DOCK1: variants seen among roughly 807,000 people sequenced by gnomAD.
DOCK1 encodes the protein dedicator of cytokinesis protein 1.
In DOCK1, 138 loss-of-function variants were observed where a neutral mutation model predicts 262.7. The observed-to-expected ratio is 0.53, with a 90% CI of 0.46 to 0.61. The LOEUF (loss-of-function observed/expected upper bound fraction) is 0.61. Ranked by LOEUF, DOCK1 falls within the 20% of genes least tolerant of loss-of-function variation. The pLI is 0.00. For missense variants in DOCK1, 1,908 were observed against 2,370.7 expected (o/e 0.80, Z 4.05); for synonymous variants, 866 against 867.4 (o/e 1.00, Z 0.03).
chr10:127,024,611 A>G (rs1347798371), intron 14 of DOCK1, 74 bp from the exon 15 acceptor site: 3 of 1,255,970 alleles, frequency 2.4e-6, no homozygotes, highest in Non-Finnish European at 3.4e-6. Flanking sequence ...GTCCCCCCAC[A>G]TATATAGTGG....
rs552509477 is a variant in DOCK1, at chr10:127,328,277, G to A, written c.3045-10729G>A. On this transcript the variant is annotated intron_variant, in intron 29 of 51. Coordinates refer to ENST00000623213, the MANE Select transcript of DOCK1 (RefSeq NM_001290223.2). ...TAAGCATCACTGGTGTATGCTGAGC[G>A]TGAAATACCTTGAAAGCAGCATTCT... Among the ~76,000 whole-genome samples, 27 of 152,260 alleles carry A rather than the reference G, an allele frequency of 1.8e-4. No homozygotes were observed. The South Asian group carries it at 4.1e-3, about 23-fold the overall frequency.
intron 1 of DOCK1, among the ~76,000 whole-genome samples, chr10:126,953,720 G>A (rs1264422598): frequency 6.6e-6 from 1 of 152,030 alleles, no homozygotes; most frequent in Non-Finnish European, 1.5e-5. Context: ...CTGTGTTGGT[G>A]GGGGAAGCCT....
chr10:127,035,086 C>G (rs563060831), intron 18 of DOCK1, among the ~76,000 whole-genome samples: 1 of 152,332 alleles, frequency 6.6e-6, no homozygotes, highest in Non-Finnish European at 1.5e-5. Flanking sequence ...TTTCATTTCT[C>G]ACCAGCCACG....
At chr10:127,048,842 G>A (rs1187112554) in intron 21 of DOCK1, among the ~76,000 whole-genome samples, 1 of 152,166 alleles carries the variant, frequency 6.6e-6, no homozygotes, top group African/African-American at 2.4e-5. Context: ...TGGCAAACTA[G>A]GAATAGATGG....
chr10:127,019,285 A>G (rs917521850), intron 13 of DOCK1, among the ~76,000 whole-genome samples: 4 of 152,198 alleles, frequency 2.6e-5, no homozygotes, highest in African/African-American at 9.7e-5. Flanking sequence ...TGAATTCTAA[A>G]CTGACCGATA....
chr10:127,428,135 C>T (rs970190430), intron 47 of DOCK1, among the ~76,000 whole-genome samples: 1 of 152,228 alleles, frequency 6.6e-6, no homozygotes, highest in African/African-American at 2.4e-5. Flanking sequence ...TGCGTCACAT[C>T]GCATCTCTTT....
intron 27 of DOCK1, among the ~76,000 whole-genome samples, chr10:127,214,339 C>T (rs549786214): frequency 2.8e-4 from 42 of 152,264 alleles, no homozygotes; most frequent in Non-Finnish European, 4.0e-4. Flanking sequence ...CATTTTCCCT[C>T]GCTTCTCTTT....
chr10:126,990,267 C>T (rs897657729), intron 5 of DOCK1, among the ~76,000 whole-genome samples, 188 bp from the exon 6 acceptor site: 2 of 152,130 alleles, frequency 1.3e-5, no homozygotes, highest in African/African-American at 2.4e-5. Flanking sequence ...CTTTTAATGT[C>T]GCATGGAAAC....
chr10:127,288,622 T>C (rs2061241794), intron 29 of DOCK1, among the ~76,000 whole-genome samples: 2 of 152,056 alleles, frequency 1.3e-5, no homozygotes, highest in Non-Finnish European at 2.9e-5. Context: ...TGATTTTATA[T>C]GTGTAATTTG....
intron 39 of DOCK1, among the ~76,000 whole-genome samples, chr10:127,403,721 T>C (rs2134325636): frequency 6.6e-6 from 1 of 152,276 alleles, no homozygotes; most frequent in African/African-American, 2.4e-5. Context: ...ATCGCGCCAA[T>C]GCACTCCAGC....
chr10:126,943,486 C>T (rs1259137573), intron 1 of DOCK1, among the ~76,000 whole-genome samples: 2 of 152,064 alleles, frequency 1.3e-5, no homozygotes, highest in South Asian at 2.1e-4. Context: ...TGAGGTTAAA[C>T]GAGTAAGTGT....
chr10:127,088,747 G>C (rs2047342841), intron 23 of DOCK1, among the ~76,000 whole-genome samples: 1 of 151,550 alleles, frequency 6.6e-6, no homozygotes. Context: ...GAGTCACCCA[G>C]CCTGAAAGGG....
chr10:127,268,436 G>A lies in DOCK1; in HGVS notation c.3044+11007G>A, dbSNP rs139927629. 3.6e-3 allele frequency among the ~76,000 whole-genome samples: 493 copies of A among 137,014 alleles called. 1 individual carries two copies. The highest frequency in any genetic ancestry group is 0.014 in the Middle Eastern group (3 of 212). The allele number at this position is 137,014 out of a possible 152,430, so 89.9% of individuals were successfully genotyped here. ...AATTCCTTCAACCCAGGAGGCGGAG[G>A]TTGCAGTGAGCCGAGATCGTGCCAC... is the stretch of plus-strand genomic sequence containing the variant. On this transcript the variant is annotated intron_variant, in intron 29 of 51. Coordinates refer to ENST00000623213, the MANE Select transcript of DOCK1 (RefSeq NM_001290223.2).
Position 126,924,834 on chromosome 10 carries a change from C to A in DOCK1, c.46+19271C>A, listed in dbSNP as rs572918964. On this transcript the variant is annotated intron_variant, in intron 1 of 51. Coordinates refer to ENST00000623213, the MANE Select transcript of DOCK1 (RefSeq NM_001290223.2). Reference sequence around the variant, plus strand: ...GTAAAGAGCCTTCAGAGTGAAGGATCTAAGTCCCTGGAAATGAAGGATTGG... The same window carrying A: ...GTAAAGAGCCTTCAGAGTGAAGGATATAAGTCCCTGGAAATGAAGGATTGG... Among the ~76,000 whole-genome samples the A allele has an allele frequency of 4.6e-5, 7 of 152,310 alleles. No individual in the cohort carries two copies. The East Asian group carries it at 1.4e-3, about 29-fold the overall frequency.
At chr10:126,967,285 C>T (rs1009283264) in intron 1 of DOCK1, among the ~76,000 whole-genome samples, 6 of 152,130 alleles carry the variant, frequency 3.9e-5, no homozygotes, top group Admixed American at 6.5e-5. Context: ...TGTGAAAGGC[C>T]AAATAATCAG....
At chr10:127,403,809 T>C (rs184885969) in intron 39 of DOCK1, among the ~76,000 whole-genome samples, 2 of 152,286 alleles carry the variant, frequency 1.3e-5, no homozygotes, top group Admixed American at 6.5e-5. Flanking sequence ...GGATAGATAA[T>C]GACCAGACCT....
chr10:127,269,792 G>T lies in DOCK1; in HGVS notation c.3044+12363G>T, dbSNP rs1396034658. Among the ~76,000 whole-genome samples the T allele has an allele frequency of 2.0e-5, 3 of 152,216 alleles. No individual in the cohort carries two copies. In the East Asian group the frequency reaches 5.8e-4, roughly 29 times the overall value. Reference sequence around the variant, plus strand: ...GAGTAGCAGGAGAGACTGCAGAACTGGTTGCTCTTAAGCCACATCCAAGGC... The same window carrying T: ...GAGTAGCAGGAGAGACTGCAGAACTTGTTGCTCTTAAGCCACATCCAAGGC... On this transcript the variant is annotated intron_variant, in intron 29 of 51. Transcript: ENST00000623213.
rs368294549 is a variant in DOCK1 at position 126,995,406 on chromosome 10, A to C, written c.474-1342A>C. Among the ~76,000 whole-genome samples the C allele has an allele frequency of 5.3e-5, 8 of 152,350 alleles. No individual in the cohort carries two copies. The highest frequency in any genetic ancestry group is 1.9e-4 in the African/African-American group (8 of 41,594). The stretch of plus-strand genomic sequence containing the variant: ...GCAATCCCAGCACCTCGGGAGGCTG[A>C]GGCTGGCAGATCACTCACGGTCAGG... On this transcript the variant is annotated intron_variant, in intron 6 of 51. Coordinates refer to ENST00000623213, the MANE Select transcript of DOCK1 (RefSeq NM_001290223.2). This position sits in a 1 kb window ranked among gnomAD's most constrained non-coding sequence, Gnocchi z 5.8.
chr10:127,082,825 C>G (rs1477232904), intron 23 of DOCK1, among the ~76,000 whole-genome samples: 2 of 152,184 alleles, frequency 1.3e-5, no homozygotes, highest in African/African-American at 4.8e-5. Flanking sequence ...TCCTCACACT[C>G]CCTTGGCTCC....
Sources: gnomAD v4.1 joint callset for allele counts (sites outside exome capture counted in the v4.1 genomes callset) on GRCh38, gnomAD v4.1.1 for gene constraint, Gnocchi (gnomAD v3.1) non-coding constraint, MANE v1.5 for transcripts, NCBI Gene and HGNC (gene_info 2026-07-23, HGNC 2026-07-21) for gene names.